Variants in CLASP1 observed in about 807,000 individuals in gnomAD.
CLASP1 encodes cytoplasmic linker associated protein 1, also known as CLIP-associating protein 1.
A neutral mutation model predicts 192.3 loss-of-function variants in CLASP1; 38 were observed. The observed-to-expected ratio is 0.20, with a 90% CI of 0.15 to 0.26. The LOEUF (loss-of-function observed/expected upper bound fraction) is 0.26. Among genes scored for constraint, CLASP1 ranks in the 10% least tolerant of loss-of-function variants. CLASP1 has a pLI of 1.00. For synonymous variants in CLASP1, 691 were observed against 712.8 expected (o/e 0.97, Z 0.49); for missense variants, 1,433 against 1,932.5 (o/e 0.74, Z 4.85).
At chr2:121,412,954 G>C (rs1166979295) in intron 23 of CLASP1, among the ~76,000 whole-genome samples, 1 of 152,128 alleles carries the variant, frequency 6.6e-6, no homozygotes, top group Non-Finnish European at 1.5e-5. Flanking sequence ...TCAGGGAAAT[G>C]TACATAATCA....
intron 2 of CLASP1, among the ~76,000 whole-genome samples, chr2:121,587,789 C>T (rs1457414886): frequency 2.0e-5 from 3 of 151,380 alleles, no homozygotes; most frequent in Non-Finnish European, 4.4e-5. Flanking sequence ...TGAGATCGCA[C>T]CACTGCACTC....
At chr2:121,358,641 G>A (rs1198449490) in intron 37 of CLASP1, among the ~76,000 whole-genome samples, 5 of 152,222 alleles carry the variant, frequency 3.3e-5, no homozygotes, top group Non-Finnish European at 5.9e-5. Flanking sequence ...AAGTTCCCAG[G>A]AAGTTCTCTT....
intron 19 of CLASP1, among the ~76,000 whole-genome samples, chr2:121,432,185 C>CG (rs1332637897): frequency 6.6e-6 from 1 of 152,140 alleles, no homozygotes; most frequent in Admixed American, 6.5e-5. Flanking sequence ...TGTGTGACCT[C>CG]GGCTTACTGC....
intron 19 of CLASP1, among the ~76,000 whole-genome samples, chr2:121,438,345 T>C (rs192746073): frequency 1.3e-5 from 2 of 152,354 alleles, no homozygotes; most frequent in Non-Finnish European, 2.9e-5. Context: ...AGGGGTTTTT[T>C]TTCCCCCTCT....
chr2:121,557,295 C>A (rs1488879525), intron 2 of CLASP1, among the ~76,000 whole-genome samples: 1 of 151,954 alleles, frequency 6.6e-6, no homozygotes, highest in Non-Finnish European at 1.5e-5. Flanking sequence ...CATAGAATAT[C>A]TATTATGTGG....
intron 2 of CLASP1, among the ~76,000 whole-genome samples, chr2:121,564,484 T>C (rs2059347023): frequency 6.6e-6 from 1 of 152,182 alleles, no homozygotes. Flanking sequence ...CCTGTATTGA[T>C]TTACCCTGTT....
At chr2:121,365,357 A>T in intron 35 of CLASP1, 73 bp from the exon 37 acceptor site, 2 of 1,378,984 alleles carry the variant, frequency 1.5e-6, no homozygotes, top group Non-Finnish European at 2.0e-6. Context: ...AGTGGTGCGC[A>T]GTGATCCTTC....
At chr2:121,633,900 G>A (rs563858896) in intron 1 of CLASP1, among the ~76,000 whole-genome samples, 93 of 152,054 alleles carry the variant, frequency 6.1e-4, no homozygotes, top group Non-Finnish European at 1.1e-3. Flanking sequence ...CCCGCTACTC[G>A]GTAGGCTGAG....
rs147107459 is a variant in CLASP1, at chr2:121,394,071, C to T, written c.3123+3069G>A. 2.0e-3 allele frequency among the ~76,000 whole-genome samples: 299 copies of T among 152,250 alleles called. 4 individuals are homozygous for T. Among genetic ancestry groups the T allele is most frequent in the African/African-American group, 6.6e-3 (273 of 41,532 alleles). On this transcript the variant is annotated intron_variant, in intron 30 of 39. Transcript: ENST00000263710. ...AGCCCTGGTAGTCAAGACACTAAGA[C>T]GGCCCCTAAGATTCCCCATAACGTA...
At chr2:121,473,430 A>T (rs1255782757) in intron 8 of CLASP1, among the ~76,000 whole-genome samples, 1 of 152,194 alleles carries the variant, frequency 6.6e-6, no homozygotes, top group East Asian at 1.9e-4. Flanking sequence ...AGAAGCACAG[A>T]AACAAAATAG....
chr2:121,451,802 T>C, exon 15 of CLASP1: 1 of 1,575,602 alleles, frequency 6.3e-7, no homozygotes, highest in South Asian at 1.2e-5. Context: ...TTCTAGTGAA[T>C]GTGTCTGCCA....
chr2:121,531,016 CTGT>C (rs1271489571), intron 2 of CLASP1: 3 of 699,912 alleles, frequency 4.3e-6, no homozygotes, highest in Non-Finnish European at 7.8e-6. Flanking sequence ...AAATGAAAAC[CTGT>C]TTTCATAGAC....
At chr2:121,421,656 C>T (rs2079526284) in intron 22 of CLASP1, among the ~76,000 whole-genome samples, 4 of 152,172 alleles carry the variant, frequency 2.6e-5, no homozygotes, top group Admixed American at 2.6e-4. Context: ...GCTTCTCCTT[C>T]CTCAGCCTCC....
intron 1 of CLASP1, among the ~76,000 whole-genome samples, chr2:121,634,813 C>A (rs2070489834): frequency 6.6e-6 from 1 of 152,102 alleles, no homozygotes; most frequent in South Asian, 2.1e-4. Context: ...GAATAGGATC[C>A]CATGCCTGGA....
At chr2:121,444,128 A>C (rs1334082076) in intron 19 of CLASP1, among the ~76,000 whole-genome samples, 3 of 152,242 alleles carry the variant, frequency 2.0e-5, no homozygotes, top group African/African-American at 4.8e-5. Flanking sequence ...ATTGCCTTAT[A>C]TGCACTTATC....
At chr2:121,596,759 C>A (rs988427746) in intron 2 of CLASP1, among the ~76,000 whole-genome samples, 1 of 152,176 alleles carries the variant, frequency 6.6e-6, no homozygotes, top group Admixed American at 6.5e-5. Flanking sequence ...AAGGCCTCTC[C>A]AACTAAGCAT....
chr2:121,369,808 A>C (rs1409556782), intron 34 of CLASP1, among the ~76,000 whole-genome samples: 1 of 152,234 alleles, frequency 6.6e-6, no homozygotes, highest in East Asian at 1.9e-4. Flanking sequence ...GATAATGCTG[A>C]AATAAGCTAT....
At chr2:121,382,922 AG>A (rs1379751076) in intron 32 of CLASP1, among the ~76,000 whole-genome samples, 1 of 152,194 alleles carries the variant, frequency 6.6e-6, no homozygotes, top group Non-Finnish European at 1.5e-5. Flanking sequence ...GCACCACTAG[AG>A]GGCTAGCATG....
chr2:121,648,916 T>C (rs1325425011), intron 1 of CLASP1, among the ~76,000 whole-genome samples: 1 of 152,112 alleles, frequency 6.6e-6, no homozygotes, highest in African/African-American at 2.4e-5. Context: ...CCGGCACCCC[T>C]TCTCTCTGGA....
Sources: allele counts gnomAD v4.1 joint callset (sites outside exome capture counted in the v4.1 genomes callset), GRCh38; gene constraint gnomAD v4.1.1; transcripts MANE v1.5; gene names NCBI Gene and HGNC (gene_info 2026-07-23, HGNC 2026-07-21).